The following ADAMTSL3 variants were observed in gnomAD, a reference collection of about 807,000 sequenced individuals.
ADAMTSL3 encodes the protein ADAMTS-like protein 3.
ADAMTSL3 carries 128 observed loss-of-function variants against 201.7 expected under a neutral mutation model. The ratio of observed to expected loss-of-function variants is 0.63; its 90% confidence interval spans 0.55 to 0.73. The LOEUF (loss-of-function observed/expected upper bound fraction) is 0.73. Ranked by LOEUF, ADAMTSL3 falls within the 30% of genes least tolerant of loss-of-function variation. The pLI is 0.00. For missense variants in ADAMTSL3, 1,990 were observed against 2,119.6 expected (o/e 0.94, Z 1.20); for synonymous variants, 738 against 748.4 (o/e 0.99, Z 0.23).
chr15:83,877,982 G>A (rs1434829274), intron 9 of ADAMTSL3, among the ~76,000 whole-genome samples: 1 of 152,020 alleles, frequency 6.6e-6, no homozygotes, highest in Non-Finnish European at 1.5e-5. Flanking sequence ...GTATACGTAC[G>A]CAATTGTGAC....
chr15:83,814,472 T>C (rs912914605), intron 5 of ADAMTSL3, among the ~76,000 whole-genome samples: 1 of 152,218 alleles, frequency 6.6e-6, no homozygotes, highest in Non-Finnish European at 1.5e-5. Context: ...CTGCTCCTTA[T>C]GGATAACGAA....
At chr15:83,708,504 C>A (rs998103343) in intron 3 of ADAMTSL3, among the ~76,000 whole-genome samples, 24 of 151,958 alleles carry the variant, frequency 1.6e-4, no homozygotes, top group Admixed American at 1.3e-4. Flanking sequence ...CGGAGGGCCG[C>A]GGCAGCTTCT....
At chr15:83,732,266 A>G (rs2062290655) in intron 3 of ADAMTSL3, among the ~76,000 whole-genome samples, 1 of 152,054 alleles carries the variant, frequency 6.6e-6, no homozygotes, top group South Asian at 2.1e-4. Context: ...TAGGTACCTT[A>G]TTTCCAGACT....
intron 6 of ADAMTSL3, among the ~76,000 whole-genome samples, chr15:83,829,004 C>T (rs1270497830): frequency 1.3e-5 from 2 of 152,178 alleles, no homozygotes; most frequent in African/African-American, 2.4e-5. Flanking sequence ...GGTTGTGTCT[C>T]TTCCAGGCTT....
In ADAMTSL3 at chr15:83,896,315, G is replaced by T. The variant is rs117393412; in HGVS notation, c.1468-1543G>T. On this transcript the variant is annotated intron_variant, in intron 13 of 29. Transcript: ENST00000286744. ...CTGGGGTGGATCCAGAATTAGTGGG[G>T]TCTGAAGTTTGTACAGATTGGAGGG... is the stretch of plus-strand genomic sequence containing the variant. Among the ~76,000 whole-genome samples the T allele has an allele frequency of 2.6e-5, 4 of 152,160 alleles. No individual in the cohort carries two copies. In the South Asian group the frequency reaches 6.2e-4, roughly 24 times the overall value.
At chr15:83,922,488 A>G (rs1284134526) in intron 16 of ADAMTSL3, among the ~76,000 whole-genome samples, 3 of 152,082 alleles carry the variant, frequency 2.0e-5, no homozygotes, top group Non-Finnish European at 4.4e-5. Flanking sequence ...TCTCAGATTT[A>G]AAAAAAATGA....
chr15:83,678,316 T>C (rs1351669613), intron 2 of ADAMTSL3, among the ~76,000 whole-genome samples: 1 of 152,108 alleles, frequency 6.6e-6, no homozygotes, highest in African/African-American at 2.4e-5. Flanking sequence ...TTATCTCTTC[T>C]TTAATGGTAG....
At chr15:83,670,664 A>G (rs2061319372) in intron 2 of ADAMTSL3, among the ~76,000 whole-genome samples, 1 of 152,124 alleles carries the variant, frequency 6.6e-6, no homozygotes, top group Non-Finnish European at 1.5e-5. Flanking sequence ...TTTATAACCC[A>G]CTAATGGAAT....
At chr15:83,878,684 A>G (rs1007395689) in intron 9 of ADAMTSL3, among the ~76,000 whole-genome samples, 12 of 152,068 alleles carry the variant, frequency 7.9e-5, no homozygotes, top group African/African-American at 2.7e-4. Context: ...ATCCTTTTAT[A>G]TATCACTAGA....
intron 3 of ADAMTSL3, among the ~76,000 whole-genome samples, chr15:83,705,821 G>T (rs906424289): frequency 6.6e-6 from 1 of 152,170 alleles, no homozygotes; most frequent in African/African-American, 2.4e-5. Context: ...ACCGCTGTGG[G>T]CAGGGAGCCA....
chr15:83,972,785 C>T (rs2067219585), intron 20 of ADAMTSL3, among the ~76,000 whole-genome samples: 1 of 152,212 alleles, frequency 6.6e-6, no homozygotes, highest in African/African-American at 2.4e-5. Context: ...GCCCCCACTT[C>T]AGCTGTAGCC....
intron 3 of ADAMTSL3, among the ~76,000 whole-genome samples, chr15:83,720,453 C>A (rs995038976): frequency 2.0e-5 from 3 of 152,164 alleles, no homozygotes; most frequent in Admixed American, 2.0e-4. Context: ...CAATTAAGTT[C>A]AAACTTATGT....
intron 20 of ADAMTSL3, among the ~76,000 whole-genome samples, chr15:83,972,092 C>A (rs1443554806): frequency 6.6e-6 from 1 of 152,004 alleles, no homozygotes; most frequent in Non-Finnish European, 1.5e-5. Flanking sequence ...GTCCCCTGAA[C>A]AACATTGTGA....
intron 8 of ADAMTSL3, among the ~76,000 whole-genome samples, chr15:83,867,048 A>G (rs1219096212): frequency 1.3e-5 from 2 of 152,226 alleles, no homozygotes. Flanking sequence ...CTGAATATCT[A>G]AATATAGAAG....
intron 6 of ADAMTSL3, among the ~76,000 whole-genome samples, chr15:83,836,730 C>T (rs919837665): frequency 1.3e-5 from 2 of 152,102 alleles, no homozygotes; most frequent in Non-Finnish European, 2.9e-5. Flanking sequence ...CATCACTAGG[C>T]CCTATGTGAA....
intron 3 of ADAMTSL3, among the ~76,000 whole-genome samples, chr15:83,726,543 C>T (rs1011960291): frequency 2.0e-5 from 3 of 151,982 alleles, no homozygotes; most frequent in Non-Finnish European, 4.4e-5. Context: ...TTATATATGG[C>T]TTTCATTATG....
At chr15:83,746,019 C>A (rs1039867032) in intron 3 of ADAMTSL3, among the ~76,000 whole-genome samples, 2 of 152,116 alleles carry the variant, frequency 1.3e-5, no homozygotes, top group African/African-American at 2.4e-5. Context: ...AACAAATAGG[C>A]CTGGGACAGT....
At chr15:83,918,047 A>G (rs550913304) in intron 16 of ADAMTSL3, among the ~76,000 whole-genome samples, 1 of 152,220 alleles carries the variant, frequency 6.6e-6, no homozygotes, top group Non-Finnish European at 1.5e-5. Flanking sequence ...ACTTCTAATC[A>G]TTTTTCAGCT....
intron 3 of ADAMTSL3, among the ~76,000 whole-genome samples, chr15:83,711,599 G>A (rs1240756174): frequency 6.6e-6 from 1 of 152,242 alleles, no homozygotes; most frequent in Non-Finnish European, 1.5e-5. Context: ...AAGAAAGCAA[G>A]CTCATGGTCT....
Sources: gnomAD v4.1 joint callset for allele counts (sites outside exome capture counted in the v4.1 genomes callset) on GRCh38, gnomAD v4.1.1 for gene constraint, MANE v1.5 for transcripts, NCBI Gene and HGNC (gene_info 2026-07-23, HGNC 2026-07-21) for gene names.